The following TRPM3 variants were observed in gnomAD, a reference collection of about 807,000 sequenced individuals.
TRPM3 encodes the protein transient receptor potential cation channel subfamily M member 3.
TRPM3 carries 77 observed loss-of-function variants against 181.2 expected under a neutral mutation model. That is an observed-to-expected ratio of 0.42 (90% CI 0.35 to 0.51). The LOEUF is 0.51. Ranked by LOEUF, TRPM3 falls within the 20% of genes least tolerant of loss-of-function variation. The pLI, the probability that TRPM3 is intolerant of heterozygous loss-of-function variation, is 0.01. For missense variants in TRPM3, 1,759 were observed against 2,196.7 expected (o/e 0.80, Z 3.98); for synonymous variants, 745 against 796.4 (o/e 0.94, Z 1.09).
intron 8 of TRPM3, among the ~76,000 whole-genome samples, chr9:70,690,786 C>T (rs1053143593): frequency 1.3e-5 from 2 of 152,102 alleles, no homozygotes; most frequent in African/African-American, 2.4e-5. Flanking sequence ...TGATCAGCAA[C>T]GAAATGCCTG....
In TRPM3 at chr9:71,215,926, C is replaced by T. The variant is rs547049489; in HGVS notation, c.183+230727G>A. Among the ~76,000 whole-genome samples, 5 of 152,266 alleles carry T rather than the reference C, an allele frequency of 3.3e-5. No individual in the cohort carries two copies. The East Asian group carries it at 5.8e-4, about 18-fold the overall frequency. ...CTTACAATCCATGGCAATGTCTGCC[C>T]CTGGTCGGCTCACAGCATGGGAGGA... On this transcript the variant is annotated intron_variant, in intron 1 of 24. Coordinates refer to the TRPM3 transcript ENST00000357533.
At chr9:71,264,022 G>C (rs977712946) in intron 1 of TRPM3, among the ~76,000 whole-genome samples, 2 of 152,162 alleles carry the variant, frequency 1.3e-5, no homozygotes, top group African/African-American at 4.8e-5. Flanking sequence ...GGGCTCAAGT[G>C]ATTCTCCTGC....
intron 1 of TRPM3, among the ~76,000 whole-genome samples, chr9:70,987,712 G>A (rs1558928): frequency 0.34 from 51,723 of 151,844 alleles, 9,368 homozygotes; most frequent in Middle Eastern, 0.44. Context: ...TTGACTAGGA[G>A]TTTCCATTAA....
At chr9:70,614,050 A>G (rs1162216951) in intron 18 of TRPM3, among the ~76,000 whole-genome samples, 1 of 152,216 alleles carries the variant, frequency 6.6e-6, no homozygotes, top group Admixed American at 6.5e-5. Context: ...ACTTGAGACT[A>G]GAGAGACATT....
intron 1 of TRPM3, among the ~76,000 whole-genome samples, chr9:71,303,463 C>T (rs1346890851): frequency 6.6e-6 from 1 of 152,092 alleles, no homozygotes; most frequent in Non-Finnish European, 1.5e-5. Flanking sequence ...ATAAAAATCT[C>T]AAGATGGAGT....
chr9:70,740,368 T>C (rs551515053), intron 8 of TRPM3, among the ~76,000 whole-genome samples: 1 of 152,072 alleles, frequency 6.6e-6, no homozygotes, highest in East Asian at 1.9e-4. Context: ...ATAGGTAGAA[T>C]CAATATTGTG....
chr9:71,332,376 G>GT (rs2090261288), intron 1 of TRPM3, among the ~76,000 whole-genome samples: 1 of 142,248 alleles, frequency 7.0e-6, no homozygotes, highest in Non-Finnish European at 1.6e-5. Context: ...TTCAATGTTG[G>GT]GTGTGTGTGT....
intron 1 of TRPM3, among the ~76,000 whole-genome samples, chr9:71,378,234 T>C (rs1692233316): frequency 6.6e-6 from 1 of 152,038 alleles, no homozygotes; most frequent in Non-Finnish European, 1.5e-5. Context: ...GTCACCAAGG[T>C]GATACAATTA....
At chr9:71,080,171 A>AAAATAAAT (rs71367253) in intron 1 of TRPM3, among the ~76,000 whole-genome samples, 47,863 of 132,800 alleles carry the variant, frequency 0.36, 8,989 homozygotes, top group Non-Finnish European at 0.4. Flanking sequence ...ACTCCATCTC[A>AAAATAAAT]AAATAAATAA....
chr9:71,215,033 C>CAAAAAAAAAAAAAA (rs67349189), intron 1 of TRPM3, among the ~76,000 whole-genome samples: 3 of 105,816 alleles, frequency 2.8e-5, no homozygotes, highest in Middle Eastern at 5.6e-3. Context: ...CACCAAAAAA[C>CAAAAAAAAAAAAAA]AAAAAAAAAA....
intron 6 of TRPM3, 85 bp from the exon 7 acceptor site, chr9:70,784,364 A>G (rs2083122576): frequency 7.1e-7 from 1 of 1,404,964 alleles, no homozygotes; most frequent in Non-Finnish European, 9.5e-7. Context: ...AGAAACAAAA[A>G]GCACAAACTA....
intron 9 of TRPM3, among the ~76,000 whole-genome samples, chr9:70,681,035 AT>A (rs1011636512): frequency 4.0e-5 from 6 of 151,278 alleles, no homozygotes. Flanking sequence ...CAGTACCATA[AT>A]TTTTTTCCTT....
intron 22 of TRPM3, among the ~76,000 whole-genome samples, chr9:70,565,105 C>T (rs1358836742): frequency 6.6e-6 from 1 of 152,160 alleles, no homozygotes; most frequent in Non-Finnish European, 1.5e-5. Flanking sequence ...CAGCTGTTGG[C>T]TCTTGTGTTG....
At chr9:70,959,060 G>A (rs149880759) in intron 1 of TRPM3, among the ~76,000 whole-genome samples, 4,494 of 150,640 alleles carry the variant, frequency 0.03, 239 homozygotes, top group African/African-American at 0.1. Context: ...GCTAAACGAC[G>A]AGTTAATGGG....
intron 12 of TRPM3, among the ~76,000 whole-genome samples, chr9:70,626,057 C>T (rs903278594): frequency 5.3e-5 from 8 of 152,072 alleles, no homozygotes; most frequent in Non-Finnish European, 8.8e-5. Context: ...AGGAGATTTT[C>T]ATTTTTTCTT....
At chr9:71,174,672 A>T (rs1443757361) in intron 1 of TRPM3, among the ~76,000 whole-genome samples, 1 of 152,318 alleles carries the variant, frequency 6.6e-6, no homozygotes, top group East Asian at 1.9e-4. Context: ...AGTGTAAACC[A>T]TGAAAAACTT....
intron 1 of TRPM3, among the ~76,000 whole-genome samples, chr9:71,228,596 C>T (rs1243369126): frequency 6.6e-6 from 1 of 151,962 alleles, no homozygotes; most frequent in East Asian, 1.9e-4. Context: ...CACCAGAAAA[C>T]TTAGAACGGA....
chr9:70,895,214 T>C (rs1451628191), intron 1 of TRPM3, among the ~76,000 whole-genome samples: 1 of 152,216 alleles, frequency 6.6e-6, no homozygotes, highest in Non-Finnish European at 1.5e-5. Context: ...CTTTACACAA[T>C]TCTCAAATAT....
intron 1 of TRPM3, among the ~76,000 whole-genome samples, chr9:71,238,698 G>C (rs1178556521): frequency 6.6e-6 from 1 of 152,124 alleles, no homozygotes; most frequent in African/African-American, 2.4e-5. Context: ...AGAACTTTAA[G>C]CATTCAGGCC....
Sources: gnomAD v4.1 joint callset for allele counts (sites outside exome capture counted in the v4.1 genomes callset) on GRCh38, gnomAD v4.1.1 for gene constraint, MANE v1.5 for transcripts, NCBI Gene and HGNC (gene_info 2026-07-23, HGNC 2026-07-21) for gene names.